SPON1: variants seen among roughly 807,000 people sequenced by gnomAD.
SPON1 encodes spondin-1.
SPON1 carries 52 observed loss-of-function variants against 111.7 expected under a neutral mutation model. The observed-to-expected ratio is 0.47, with a 90% confidence interval of 0.37 to 0.59. The LOEUF is 0.59. Ranked by LOEUF, SPON1 falls within the 20% of genes least tolerant of loss-of-function variation. SPON1 has a pLI of 0.00. For synonymous variants in SPON1, 410 were observed against 395.8 expected, an observed-to-expected ratio of 1.04 and a Z score of -0.43; for missense variants, 957 against 1,068.5, an observed-to-expected ratio of 0.90 and a Z score of 1.46.
intron 6 of SPON1, among the ~76,000 whole-genome samples, chr11:14,172,400 T>C (rs1251225226): frequency 2.0e-5 from 3 of 151,860 alleles, no homozygotes; most frequent in African/African-American, 7.2e-5. Flanking sequence ...GCATGTGAGA[T>C]GGGTTTCCTG....
At position 14,131,898 on chromosome 11, in the gene SPON1, G is replaced by A. The variant is rs568672348; in HGVS notation, c.677-3522G>A. Among the ~76,000 whole-genome samples the A allele has an allele frequency of 2.6e-5, 4 of 152,262 alleles. No individual in the cohort carries two copies. In the South Asian group the frequency reaches 6.2e-4, roughly 24 times the overall value. ...TCCATAGGTGCCTGTCTTGTCCCCCGAGGGCAGCGACATAGTCTTATTCCT... is the reference window on the plus strand; with the variant it reads ...TCCATAGGTGCCTGTCTTGTCCCCCAAGGGCAGCGACATAGTCTTATTCCT... On this transcript the variant is annotated intron_variant, in intron 5 of 15. Coordinates refer to ENST00000576479, the MANE Select transcript of SPON1 (RefSeq NM_006108.4).
chr11:14,177,066 T>A (rs1266958135), intron 6 of SPON1, among the ~76,000 whole-genome samples: 4 of 152,022 alleles, frequency 2.6e-5, no homozygotes, highest in African/African-American at 9.7e-5. Context: ...TTTGAGATGG[T>A]GTCTCGCTCT....
At chr11:14,175,041 T>TG (rs1424953476) in intron 6 of SPON1, among the ~76,000 whole-genome samples, 1 of 59,300 alleles carries the variant, frequency 1.7e-5, no homozygotes, top group Non-Finnish European at 3.1e-5. Flanking sequence ...TAACCATGGG[T>TG]GGGGGGAGGG....
intron 2 of SPON1, among the ~76,000 whole-genome samples, chr11:14,009,800 G>T (rs1369254636): frequency 1.3e-5 from 2 of 152,164 alleles, no homozygotes; most frequent in African/African-American, 2.4e-5. Flanking sequence ...TCATGTGGAG[G>T]AAGGGTAAGA....
intron 5 of SPON1, among the ~76,000 whole-genome samples, chr11:14,100,751 T>C (rs1211148193): frequency 6.6e-6 from 1 of 152,222 alleles, no homozygotes; most frequent in African/African-American, 2.4e-5. Flanking sequence ...ATTTTTCTTA[T>C]TTCACTATTT....
At position 13,963,142 on chromosome 11, in the gene SPON1, G is replaced by T. The variant is rs1554907697; in HGVS notation, c.238G>T (p.Val80Leu). ...DFYKPGTSYR[V>L]TLSAAPPSYF... ...CTACAAGCCGGGAACCAGCTACCGC[G>T]GTAAGTGGCCGCCCGGCGTGGCATT... Residue 80 changes from valine (V) to leucine (L), a missense_variant and splice_region_variant, in exon 1 of 16, where the codon GTA (valine) becomes TTA (leucine). Coordinates refer to ENST00000576479, the MANE Select transcript of SPON1 (RefSeq NM_006108.4). 6.7e-7 allele frequency: 1 copy of T among 1,498,686 alleles called. No homozygotes were observed. The allele number at this position is 1,498,686 out of a possible 1,614,324, so 92.8% of individuals were successfully genotyped here.
chr11:14,094,488 A>T (rs1849083793), intron 5 of SPON1, among the ~76,000 whole-genome samples: 1 of 152,092 alleles, frequency 6.6e-6, no homozygotes, highest in Non-Finnish European at 1.5e-5. Flanking sequence ...ATTTAGTAAT[A>T]ATTTATTAAA....
chr11:14,033,162 G>GA (rs2133809542), intron 2 of SPON1, among the ~76,000 whole-genome samples: 1 of 152,308 alleles, frequency 6.6e-6, no homozygotes, highest in African/African-American at 2.4e-5. Context: ...TCCTGCTGTG[G>GA]ATGCTATTCC....
chr11:14,121,501 A>G (rs1336618657), intron 5 of SPON1, among the ~76,000 whole-genome samples: 5 of 152,200 alleles, frequency 3.3e-5, no homozygotes, highest in African/African-American at 1.2e-4. Context: ...GTGGGTTCAG[A>G]CTGACCTTCC....
intron 6 of SPON1, among the ~76,000 whole-genome samples, chr11:14,169,072 A>G (rs1384819228): frequency 1.9e-4 from 29 of 152,174 alleles, no homozygotes; most frequent in African/African-American, 6.8e-4. Flanking sequence ...CTGAGGAATC[A>G]CCACACTGAC....
In SPON1 at chr11:14,197,346, G is replaced by A. The variant is rs114340470; in HGVS notation, c.826-45986G>A. 2.4e-3 allele frequency among the ~76,000 whole-genome samples: 361 copies of A among 152,004 alleles called. 1 individual carries two copies. The highest frequency in any genetic ancestry group is 8.4e-3 in the African/African-American group (347 of 41,432). On this transcript the variant is annotated intron_variant, in intron 6 of 15. Transcript: ENST00000576479. ...TTCACTGTGCATAGTGAGTTGTTAC[G>A]GGCCCCACTTTGCCCTCAGTGCCCG...
In SPON1 at chr11:14,041,521, A is replaced by G. The variant is rs2133813626; in HGVS notation, c.346A>G (p.Ile116Val). The G allele has an allele frequency of 6.2e-7, 1 of 1,613,918 alleles. No homozygotes were observed. The highest frequency in any genetic ancestry group is 8.5e-7 in the Non-Finnish European group (1 of 1,179,826). Reference sequence around the variant, plus strand: ...TTTATTTCCCACTGGTTTTCCGTAGATCATAGACGAAGAAGAAACTCAGTT... The same window carrying G: ...TTTATTTCCCACTGGTTTTCCGTAGGTCATAGACGAAGAAGAAACTCAGTT... ...KEEDHAGTFQ[I>V]IDEEETQFMS... Residue 116 changes from isoleucine to valine, a missense_variant and splice_region_variant, in exon 3 of 16, where the codon ATC becomes GTC. By Grantham distance (29) the Ile-to-Val change is conservative. Transcript: ENST00000576479.
chr11:14,259,010 CA>C lies in SPON1; in HGVS notation c.1493-269del, dbSNP rs2133926217. ...ATCTTATCTTAGATATATGCGTGTACATTTTTTAAACACCATCCTTTCCATA... is the reference window on the plus strand; with the variant it reads ...ATCTTATCTTAGATATATGCGTGTACTTTTTTAAACACCATCCTTTCCATA... On this transcript the variant is annotated intron_variant, in intron 11 of 15. Coordinates refer to ENST00000576479, the MANE Select transcript of SPON1 (RefSeq NM_006108.4). This position sits in a 1 kb window ranked among gnomAD's most constrained non-coding sequence, Gnocchi z 5.0. Among the ~76,000 whole-genome samples the C allele has an allele frequency of 6.6e-6, 1 of 152,294 alleles. No homozygotes were observed. Among genetic ancestry groups the C allele is most frequent in the African/African-American group, 2.4e-5 (1 of 41,562 alleles).
At chr11:14,133,887 G>A (rs1390516833) in intron 5 of SPON1, among the ~76,000 whole-genome samples, 2 of 152,184 alleles carry the variant, frequency 1.3e-5, no homozygotes, top group Non-Finnish European at 2.9e-5. Flanking sequence ...GATGTCCTCT[G>A]CCTGGGGTGG....
rs868995109 is a variant in SPON1, at chr11:13,981,577, C to T, written c.239-1270C>T. Among the ~76,000 whole-genome samples the T allele has an allele frequency of 3.2e-4, 49 of 152,182 alleles. 1 individual carries two copies. Among genetic ancestry groups the T allele is most frequent in the Admixed American group, 7.2e-4 (11 of 15,278 alleles). On this transcript the variant is annotated intron_variant, in intron 1 of 15. Transcript: ENST00000576479. ...TCTTGACCTTGTGATCCGCCCACCT[C>T]GGCCTCCTAAAGTGCTGGGATTACA...
At chr11:14,127,994 C>T (rs555286913) in intron 5 of SPON1, among the ~76,000 whole-genome samples, 24 of 152,174 alleles carry the variant, frequency 1.6e-4, no homozygotes, top group Non-Finnish European at 3.4e-4. Flanking sequence ...GATATCACCC[C>T]CATGATCCAA....
chr11:14,152,043 C>G (rs1446170165), intron 6 of SPON1, among the ~76,000 whole-genome samples: 1 of 152,174 alleles, frequency 6.6e-6, no homozygotes, highest in African/African-American at 2.4e-5. Flanking sequence ...CCCCATTTGG[C>G]CCAGTTCCTG....
At chr11:13,998,490 A>G (rs1256349544) in intron 2 of SPON1, among the ~76,000 whole-genome samples, 7 of 152,020 alleles carry the variant, frequency 4.6e-5, no homozygotes, top group African/African-American at 1.7e-4. Flanking sequence ...CTTTCATCCC[A>G]TTTGGAATCT....
At chr11:14,257,949 A>AG in intron 11 of SPON1, 51 bp downstream of exon 11, 1 of 1,467,520 alleles carries the variant, frequency 6.8e-7, no homozygotes, top group Admixed American at 2.2e-5. Flanking sequence ...TCAGGAAGGG[A>AG]GGGTCTGCCT....
Sources: allele counts gnomAD v4.1 joint callset (sites outside exome capture counted in the v4.1 genomes callset), GRCh38; gene constraint gnomAD v4.1.1; non-coding constraint Gnocchi (gnomAD v3.1); transcripts MANE v1.5; gene names NCBI Gene and HGNC (gene_info 2026-07-23, HGNC 2026-07-21).